CLIP1: variants seen among roughly 807,000 people sequenced by gnomAD.
The protein encoded by CLIP1 is CAP-Gly domain containing linker protein 1, also known as CAP-Gly domain-containing linker protein 1.
CLIP1 carries 66 observed loss-of-function variants against 161.6 expected under a neutral mutation model. The observed-to-expected ratio is 0.41, with a 90% CI of 0.33 to 0.50. The LOEUF is 0.50. Among genes scored for constraint, CLIP1 ranks in the 20% least tolerant of loss-of-function variants. CLIP1 has a pLI of 0.27. For synonymous variants in CLIP1, 598 were observed against 626.2 expected, an observed-to-expected ratio of 0.96 and a Z score of 0.67; for missense variants, 1,376 against 1,702.0, an observed-to-expected ratio of 0.81 and a Z score of 3.37.
chr12:122,341,608 CCTT>C lies in CLIP1; in HGVS notation c.1593_1595del (p.Arg532del). 1 of 1,613,580 alleles carries C rather than the reference CCTT, an allele frequency of 6.2e-7. No homozygotes were observed. The highest frequency in any genetic ancestry group is 8.5e-7 in the Non-Finnish European group (1 of 1,179,980). On this transcript the variant is annotated inframe_deletion, in exon 11 of 26. Coordinates refer to ENST00000620786, the MANE Select transcript of CLIP1 (RefSeq NM_001247997.2). ...CCCCAGCAGGCTTATTGGACTCTAG[CCTT>C]CTTCGGAGCTCAGCTACTTCCTGTA...
In CLIP1 at chr12:122,355,321, G is replaced by C. The variant is rs997964384; in HGVS notation, c.1006-9C>G. The stretch of plus-strand genomic sequence containing the variant: ...GAGGAGGTTTCAGTCAACTGTAAAG[G>C]AAAGTTAGAGAAATGAAGGGCGATG... On this transcript the variant is annotated splice_polypyrimidine_tract_variant and intron_variant, in intron 5 of 25. Coordinates refer to ENST00000620786, the MANE Select transcript of CLIP1 (RefSeq NM_001247997.2). The surrounding 1 kb of genome is among the most constrained non-coding windows in gnomAD (Gnocchi z 4.1). 3 of 1,610,296 alleles carry C rather than the reference G, an allele frequency of 1.9e-6. No individual in the cohort carries two copies. The highest frequency in any genetic ancestry group is 2.5e-6 in the Non-Finnish European group (3 of 1,177,218).
intron 6 of CLIP1, 182 bp downstream of exon 6, chr12:122,354,933 C>T (rs1225982222): frequency 1.6e-6 from 1 of 619,804 alleles, no homozygotes; most frequent in Admixed American, 3.0e-5. Flanking sequence ...AAAACTTCAT[C>T]TCTGTGATCA....
At chr12:122,352,609 C>T (rs1049909990) in intron 8 of CLIP1, 117 bp downstream of exon 8, 2 of 923,874 alleles carry the variant, frequency 2.2e-6, no homozygotes, top group African/African-American at 3.2e-5. Context: ...CCAGAACCTT[C>T]CCCCGCCACT....
At chr12:122,382,389 G>A (rs1566202184) in intron 1 of CLIP1, among the ~76,000 whole-genome samples, 1 of 151,870 alleles carries the variant, frequency 6.6e-6, no homozygotes, top group South Asian at 2.1e-4. Flanking sequence ...GCCAGGCGTT[G>A]TGGCGCGTGC....
chr12:122,273,904 G>C, intron 25 of CLIP1, 134 bp downstream of exon 25: 1 of 668,518 alleles, frequency 1.5e-6, no homozygotes, highest in East Asian at 3.0e-5. Flanking sequence ...GCTAACTTTT[G>C]TATTTTTAGT....
chr12:122,347,847 C>T (rs1378326055), intron 9 of CLIP1, among the ~76,000 whole-genome samples: 3 of 152,126 alleles, frequency 2.0e-5, no homozygotes, highest in East Asian at 1.9e-4. Flanking sequence ...ATTATCCCTC[C>T]GCCCCACAAA....
intron 20 of CLIP1, among the ~76,000 whole-genome samples, chr12:122,306,862 C>A (rs376813823): frequency 1.4e-3 from 219 of 152,238 alleles, no homozygotes; most frequent in African/African-American, 4.8e-3. Context: ...TTTTTAAAAT[C>A]TTGAACAATA....
At chr12:122,313,491 C>T (rs59553747) in intron 19 of CLIP1, among the ~76,000 whole-genome samples, 9,133 of 152,148 alleles carry the variant, frequency 0.06, 902 homozygotes, top group African/African-American at 0.21. Flanking sequence ...CTTTGGGAGG[C>T]CGAGGCAGGC....
At chr12:122,378,112 A>T in intron 2 of CLIP1, 152 bp from the exon 3 acceptor site, 1 of 683,678 alleles carries the variant, frequency 1.5e-6, no homozygotes, top group Non-Finnish European at 2.4e-6. Context: ...CTTTTGAGAC[A>T]GTCTCGCTCT....
intron 1 of CLIP1, among the ~76,000 whole-genome samples, chr12:122,414,432 G>A (rs1956653860): frequency 6.6e-6 from 1 of 151,668 alleles, no homozygotes. Context: ...TTATAGACAT[G>A]AGCCACTGCA....
intron 17 of CLIP1, chr12:122,322,138 C>G (rs1951528459): frequency 6.6e-6 from 1 of 152,586 alleles, no homozygotes; most frequent in Non-Finnish European, 1.5e-5. Context: ...GAGTCTCGAG[C>G]TCTCTAATTT....
In CLIP1 at chr12:122,327,871, T is replaced by C. The variant is rs549994350; in HGVS notation, c.3249+76A>G. On this transcript the variant is annotated intron_variant, in intron 17 of 25. Transcript: ENST00000620786. ...CTTAACTTTTCCCACTGGCTGCTGC[T>C]TTCTAAGCACCCTTCCTGCCTCGAC... 7.0e-6 allele frequency: 10 copies of C among 1,419,894 alleles called. No individual in the cohort carries two copies. The South Asian group carries it at 1.1e-4, about 15-fold the overall frequency. The allele number at this position is 1,419,894 out of a possible 1,614,324, so 88.0% of individuals were successfully genotyped here.
In CLIP1 at chr12:122,305,839, G is replaced by C. The variant is rs1019031355; in HGVS notation, c.3594+3923C>G. Among the ~76,000 whole-genome samples the C allele has an allele frequency of 3.0e-4, 46 of 151,986 alleles. 1 individual carries two copies. Among genetic ancestry groups the C allele is most frequent in the African/African-American group, 1.1e-3 (45 of 41,454 alleles). On this transcript the variant is annotated intron_variant, in intron 20 of 25. Coordinates refer to ENST00000620786, the MANE Select transcript of CLIP1 (RefSeq NM_001247997.2). The stretch of plus-strand genomic sequence containing the variant: ...TCCCAGCACTTTGGGAGGCTGAGGT[G>C]GACGGATTGCCTAAGCTCAGGAGTT...
Position 122,337,412 on chromosome 12 carries a change from CTCCAG to C in CLIP1, c.2452-669_2452-665del, listed in dbSNP as rs1436342268. On this transcript the variant is annotated intron_variant, in intron 11 of 25. Transcript: ENST00000620786. The stretch of plus-strand genomic sequence containing the variant: ...GGTGAGCCGAGACCAGACCACTGCA[CTCCAG>C]TCTGGGTGACACAGTGGGACTCTGC... 1.5e-4 allele frequency among the ~76,000 whole-genome samples: 23 copies of C among 149,394 alleles called. No homozygotes were observed. The East Asian group carries it at 4.4e-3, about 28-fold the overall frequency.
At chr12:122,383,037 G>A (rs1955075535) in intron 1 of CLIP1, among the ~76,000 whole-genome samples, 2 of 152,198 alleles carry the variant, frequency 1.3e-5, no homozygotes, top group South Asian at 4.1e-4. Flanking sequence ...AGAAGGGATT[G>A]GCCAAGTCTC....
In CLIP1 at chr12:122,279,132, T is replaced by A; in HGVS notation, c.3661A>T (p.Ile1221Leu). The A allele has an allele frequency of 6.2e-7, 1 of 1,611,272 alleles. No homozygotes were observed. Among genetic ancestry groups the A allele is most frequent in the Non-Finnish European group, 8.5e-7 (1 of 1,178,602 alleles). The change falls in exon 22 of 26, where the codon ATA (isoleucine) becomes TTA (leucine). Residue 1221 changes from isoleucine (I) to leucine (L), a missense_variant. Physicochemically the swap from Ile to Leu is conservative, Grantham distance 5. Coordinates refer to ENST00000620786, the MANE Select transcript of CLIP1 (RefSeq NM_001247997.2). The surrounding 1 kb of genome is among the most constrained non-coding windows in gnomAD (Gnocchi z 4.5). Reference sequence around the variant, plus strand: ...GCTTTCTCTTCATCTGCGTCTTTTATGAACTTGGATTCTCTAAAAGACCAA... The same window carrying A: ...GCTTTCTCTTCATCTGCGTCTTTTAAGAACTTGGATTCTCTAAAAGACCAA... Reference protein sequence around the residue: ...LEMKKRESKFIKDADEEKASL... With the variant: ...LEMKKRESKFLKDADEEKASL...
rs1441117655 is a variant in CLIP1 at position 122,390,174 on chromosome 12, T to TATATATATA, written c.-106-9625_-106-9617dup. Among the ~76,000 whole-genome samples the TATATATATA allele has an allele frequency of 7.9e-4, 46 of 58,044 alleles. 1 individual carries two copies. The East Asian group carries it at 0.011, about 14-fold the overall frequency. 38.1% of individuals were successfully genotyped at this position (58,044 alleles called of 152,430 possible). On this transcript the variant is annotated intron_variant, in intron 1 of 25. Transcript: ENST00000620786. ...TTCTAATAAATTACACAGTCTCAGA[T>TATATATATA]ATATATATATATATATATATATAAT...
At chr12:122,412,368 A>C (rs1391611395) in intron 1 of CLIP1, among the ~76,000 whole-genome samples, 2 of 145,186 alleles carry the variant, frequency 1.4e-5, no homozygotes, top group Admixed American at 6.8e-5. Flanking sequence ...TAATAAGAAG[A>C]CTGAGGCCAG....
At position 122,364,405 on chromosome 12, in the gene CLIP1, CTT is replaced by C. The variant is rs35729680; in HGVS notation, c.658-300_658-299del. ...TCATTATTGCTTTTCTTAGAAAATA[CTT>C]TTTTTTTTTTTTTTGAGACAGGGTC... On this transcript the variant is annotated intron_variant, in intron 3 of 25. Transcript: ENST00000620786. Among the ~76,000 whole-genome samples, 353 of 137,864 alleles carry C rather than the reference CTT, an allele frequency of 2.6e-3. 1 individual carries two copies. The highest frequency in any genetic ancestry group is 0.011 in the Middle Eastern group (3 of 276). The allele number at this position is 137,864 out of a possible 152,430, so 90.4% of individuals were successfully genotyped here. A position where few individuals can be genotyped will look rare whatever the true frequency, so the allele number is the denominator to read the frequency against.
Sources: gnomAD v4.1 joint callset for allele counts (sites outside exome capture counted in the v4.1 genomes callset) on GRCh38, gnomAD v4.1.1 for gene constraint, Gnocchi (gnomAD v3.1) non-coding constraint, MANE v1.5 for transcripts, NCBI Gene and HGNC (gene_info 2026-07-23, HGNC 2026-07-21) for gene names.